CEP250: variants seen among roughly 807,000 people sequenced by gnomAD.
CEP250 encodes centrosome-associated protein CEP250.
A neutral mutation model predicts 315.7 loss-of-function variants in CEP250; 242 were observed. The ratio of observed to expected loss-of-function variants is 0.77; its 90% CI spans 0.69 to 0.85. The LOEUF (loss-of-function observed/expected upper bound fraction) is 0.85, where lower values mean the gene tolerates loss of function less well. CEP250 is among the 40% of genes least tolerant of loss of function. The pLI is 0.00. For synonymous variants in CEP250, 1,088 were observed against 1,175.0 expected, an observed-to-expected ratio of 0.93 and a Z score of 1.51; for missense variants, 2,515 against 2,886.4, an observed-to-expected ratio of 0.87 and a Z score of 2.95.
rs774853722 is a variant in CEP250 at position 35,463,545 on chromosome 20, A to G, written c.187-30A>G. 2.2e-5 allele frequency: 34 copies of G among 1,578,790 alleles called. No homozygotes were observed. The Admixed American group carries it at 5.9e-4, about 28-fold the overall frequency. Reference sequence around the variant, plus strand: ...TGGGCTGTTTGTGCCAGCTGTGTTCATTGCCCAGGGCCTGTTCTTTTTGCT... The same window carrying G: ...TGGGCTGTTTGTGCCAGCTGTGTTCGTTGCCCAGGGCCTGTTCTTTTTGCT... On this transcript the variant is annotated intron_variant, in intron 4 of 34. Transcript: ENST00000397527.
chr20:35,494,480 C>T (rs1189890173), intron 23 of CEP250, 44 bp from the exon 24 acceptor site: 6 of 1,609,506 alleles, frequency 3.7e-6, no homozygotes, highest in Non-Finnish European at 5.1e-6. Context: ...TTCCCACCGG[C>T]CCCCTGCCCT....
rs751519703 is a variant in CEP250 at position 35,494,966 on chromosome 20, CAA to C, written c.3167+311_3167+312del. Among the ~76,000 whole-genome samples the C allele has an allele frequency of 3.4e-3, 24 of 7,076 alleles. No homozygotes were observed. The Non-Finnish European group carries it at 0.096, about 28-fold the overall frequency. The allele number at this position is 7,076 out of a possible 152,430, so 4.6% of individuals were successfully genotyped here. A position where few individuals can be genotyped will look rare whatever the true frequency, so the allele number is the denominator to read the frequency against. ...GGAAGACATTAATCAAATAATAACTCAAATTATTACGTTATGACACATGGAGG... is the reference window on the plus strand; with the variant it reads ...GGAAGACATTAATCAAATAATAACTCATTATTACGTTATGACACATGGAGG... On this transcript the variant is annotated intron_variant, in intron 24 of 34. Coordinates refer to ENST00000397527, the MANE Select transcript of CEP250 (RefSeq NM_007186.6).
intron 20 of CEP250, among the ~76,000 whole-genome samples, chr20:35,486,520 G>A (rs544449645): frequency 3.3e-5 from 5 of 151,886 alleles, no homozygotes; most frequent in Admixed American, 6.6e-5. Flanking sequence ...TGGGATTATA[G>A]GTATGAACTA....
At chr20:35,457,957 CAGAG>C (rs1191183987) in intron 1 of CEP250, among the ~76,000 whole-genome samples, 1 of 152,134 alleles carries the variant, frequency 6.6e-6, no homozygotes, top group Non-Finnish European at 1.5e-5. Context: ...AAGAGAGCAA[CAGAG>C]AGGCCCCACA....
chr20:35,460,705 A>G (rs868271145), intron 3 of CEP250, among the ~76,000 whole-genome samples: 1 of 152,260 alleles, frequency 6.6e-6, no homozygotes, highest in African/African-American at 2.4e-5. Flanking sequence ...CATTCTCCCA[A>G]TGATAAATGT....
chr20:35,504,021 C>G lies in CEP250; in HGVS notation c.5652C>G (p.Ala1884=), dbSNP rs775168245. Residue 1884 remains alanine, a synonymous_variant, in exon 30 of 35, where the codon GCC becomes GCG. Coordinates refer to ENST00000397527, the MANE Select transcript of CEP250 (RefSeq NM_007186.6). ...ELAVEGRRVQ[A]LEEVLGDLRA... ...CAGTGGAGGGACGGCGGGTCCAGGC[C>G]CTGGAGGAGGTGCTGGGAGACCTAA... 2 of 1,607,972 alleles carry G rather than the reference C, an allele frequency of 1.2e-6. No individual in the cohort carries two copies. The highest frequency in any genetic ancestry group is 1.7e-6 in the Non-Finnish European group (2 of 1,176,586).
intron 23 of CEP250, 78 bp downstream of exon 23, chr20:35,493,650 G>C: frequency 7.2e-7 from 1 of 1,384,294 alleles, no homozygotes; most frequent in Non-Finnish European, 9.6e-7. Flanking sequence ...TTGCAGGACA[G>C]GGAGAACCTT....
In CEP250 at chr20:35,476,511, T is replaced by C. The variant is rs146838929; in HGVS notation, c.1779T>C (p.Asp593=). 1 of 1,614,022 alleles carries C rather than the reference T, an allele frequency of 6.2e-7. No homozygotes were observed. Among genetic ancestry groups the C allele is most frequent in the East Asian group, 2.2e-5 (1 of 44,900 alleles). ...ACACCCTGAAGACAGAAGTAGCTGA[T>C]CTTCGGGCTGCAGCTGTCAAGCTCA... is the stretch of plus-strand genomic sequence containing the variant. ...SENTLKTEVA[D]LRAAAVKLSA... is the part of the protein sequence containing the mutation. Residue 593 remains aspartate (D), a synonymous_variant, in exon 16 of 35, where the codon GAT becomes GAC. Coordinates refer to ENST00000397527, the MANE Select transcript of CEP250 (RefSeq NM_007186.6).
Position 35,504,448 on chromosome 20 carries a change from C to G in CEP250, c.6079C>G (p.Gln2027Glu), listed in dbSNP as rs2064123277. The G allele has an allele frequency of 6.2e-7, 1 of 1,612,022 alleles. No homozygotes were observed. The highest frequency in any genetic ancestry group is 1.1e-5 in the South Asian group (1 of 90,604). ...TCTGAGGATACAAGAAGGTGAGATCCAGGACCAGGATCTCCGATACCAGGA... is the reference window on the plus strand; with the variant it reads ...TCTGAGGATACAAGAAGGTGAGATCGAGGACCAGGATCTCCGATACCAGGA... ...EALRIQEGEI[Q>E]DQDLRYQEDV... The change falls in exon 30 of 35, where the codon CAG (glutamine) becomes GAG (glutamate). Residue 2027 changes from glutamine (Q) to glutamate (E), a missense_variant. Transcript: ENST00000397527.
chr20:35,476,804 C>G (rs1049393809), intron 16 of CEP250: 3 of 454,048 alleles, frequency 6.6e-6, no homozygotes, highest in Middle Eastern at 1.2e-3. Context: ...GGGTAAGACA[C>G]CAAGGTTGGG....
intron 9 of CEP250, among the ~76,000 whole-genome samples, chr20:35,467,943 C>CTTTTTTTT (rs10649518): frequency 3.8e-4 from 45 of 117,958 alleles, no homozygotes; most frequent in African/African-American, 1.4e-3. Flanking sequence ...AATATTACCT[C>CTTTTTTTT]TTTTTTTTTT....
At chr20:35,467,941 C>CCCT (rs2062928632) in intron 9 of CEP250, among the ~76,000 whole-genome samples, 2 of 118,442 alleles carry the variant, frequency 1.7e-5, no homozygotes, top group Admixed American at 8.2e-5. Context: ...CAAATATTAC[C>CCCT]TCTTTTTTTT....
chr20:35,483,590 G>A (rs1391771411), intron 20 of CEP250, among the ~76,000 whole-genome samples: 2 of 149,914 alleles, frequency 1.3e-5, no homozygotes, highest in African/African-American at 4.9e-5. Flanking sequence ...GGCTGGTCTC[G>A]AACTCCTGGG....
At chr20:35,457,364 G>T (rs2062653529) in intron 1 of CEP250, among the ~76,000 whole-genome samples, 2 of 151,974 alleles carry the variant, frequency 1.3e-5, no homozygotes, top group South Asian at 4.1e-4. Flanking sequence ...ATGTGGAGAG[G>T]TGATAGTATT....
intron 7 of CEP250, 61 bp from the exon 8 acceptor site, chr20:35,466,905 C>T (rs2062892705): frequency 3.8e-6 from 4 of 1,064,902 alleles, no homozygotes; most frequent in South Asian, 2.5e-5. Flanking sequence ...ATCCAAGACT[C>T]TTGTGTTGGC....
At chr20:35,482,735 T>G (rs2063386687) in intron 20 of CEP250, among the ~76,000 whole-genome samples, 1 of 150,878 alleles carries the variant, frequency 6.6e-6, no homozygotes, top group Non-Finnish European at 1.5e-5. Context: ...AATTTTTTTG[T>G]ATTTTTAGTA....
chr20:35,494,718 A>T (rs537405692), intron 24 of CEP250, 61 bp downstream of exon 24: 312 of 1,593,352 alleles, frequency 2.0e-4, no homozygotes, highest in Non-Finnish European at 2.5e-4. Context: ...TCACTGTGAT[A>T]TTGACAGTTG....
chr20:35,481,846 G>A (rs2146914188), intron 20 of CEP250, among the ~76,000 whole-genome samples: 1 of 152,184 alleles, frequency 6.6e-6, no homozygotes, highest in East Asian at 1.9e-4. Flanking sequence ...GGGATTATAG[G>A]CATATGCCAT....
At chr20:35,488,485 G>A (rs1395098412) in intron 20 of CEP250, among the ~76,000 whole-genome samples, 3 of 151,884 alleles carry the variant, frequency 2.0e-5, no homozygotes, top group African/African-American at 7.3e-5. Flanking sequence ...ACAGGGTCTT[G>A]CTCTGTTGCC....
Sources: allele counts gnomAD v4.1 joint callset (sites outside exome capture counted in the v4.1 genomes callset), GRCh38; gene constraint gnomAD v4.1.1; transcripts MANE v1.5; gene names NCBI Gene and HGNC (gene_info 2026-07-23, HGNC 2026-07-21).